FAR1: variants seen among roughly 807,000 people sequenced by gnomAD.
FAR1 encodes fatty acyl-CoA reductase 1.
Under a neutral mutation model 61.1 loss-of-function variants are expected in FAR1, and 22 were observed. The ratio of observed to expected loss-of-function variants is 0.36; its 90% confidence interval spans 0.26 to 0.51. The LOEUF (loss-of-function observed/expected upper bound fraction) is 0.51. FAR1 is among the 20% of genes least tolerant of loss of function. The probability of loss-of-function intolerance (pLI) is 0.95; values close to 1 mark genes in which losing one functional copy is unlikely to be tolerated. For synonymous variants in FAR1, 206 were observed against 209.7 expected, an observed-to-expected ratio of 0.98 and a Z score of 0.15; for missense variants, 359 against 626.9, an observed-to-expected ratio of 0.57 and a Z score of 4.56.
At chr11:13,707,713 AATT>A (rs2134189078) in intron 3 of FAR1, among the ~76,000 whole-genome samples, 184 bp from the exon 4 acceptor site, 1 of 152,320 alleles carries the variant, frequency 6.6e-6, no homozygotes, top group African/African-American at 2.4e-5. Context: ...TTTATAATCA[AATT>A]TTTTTAACAC....
At chr11:13,722,850 CTCTCTCTCTATA>C (rs1193566903) in intron 10 of FAR1, among the ~76,000 whole-genome samples, 1 of 141,784 alleles carries the variant, frequency 7.1e-6, no homozygotes, top group Non-Finnish European at 1.6e-5. Context: ...CTCCCTCTCT[CTCTCTCTCTATA>C]TATATATATA....
chr11:13,727,527 A>G (rs1218635345), intron 10 of FAR1, 29 bp from the exon 11 acceptor site: 2 of 1,564,324 alleles, frequency 1.3e-6, no homozygotes, highest in East Asian at 2.3e-5. Context: ...TAGTCAAGAA[A>G]ATAATCAGTA....
At chr11:13,690,570 C>T (rs1848238335) in intron 1 of FAR1, among the ~76,000 whole-genome samples, 1 of 152,140 alleles carries the variant, frequency 6.6e-6, no homozygotes, top group Admixed American at 6.5e-5. Flanking sequence ...TTCAAAATTT[C>T]ATTTTTTCTA....
rs1342397618 is a variant in FAR1, at chr11:13,729,347, A to T, written c.*573A>T. 1.3e-5 allele frequency: 2 copies of T among 151,860 alleles called. No homozygotes were observed. The highest frequency in any genetic ancestry group is 2.4e-5 in the African/African-American group (1 of 41,386). The allele number at this position is 151,860 out of a possible 1,614,324, so 9.4% of individuals were successfully genotyped here. On this transcript the variant is annotated 3_prime_UTR_variant, in exon 12 of 12. Transcript: ENST00000354817. ...AGATGTTCTCATTTTTCTTTTTCTG[A>T]TTAAACGTCTGATGCATATCATTTT...
At chr11:13,672,724 G>A (rs1343799273) in intron 1 of FAR1, among the ~76,000 whole-genome samples, 1 of 152,046 alleles carries the variant, frequency 6.6e-6, no homozygotes, top group Admixed American at 6.5e-5. Context: ...TTCCTATCTT[G>A]GAAATGACTG....
At chr11:13,673,736 G>A (rs1848035513) in intron 1 of FAR1, among the ~76,000 whole-genome samples, 1 of 152,086 alleles carries the variant, frequency 6.6e-6, no homozygotes, top group South Asian at 2.1e-4. Flanking sequence ...AGAATTTTTT[G>A]AAGATGTATA....
rs1848730140 is a variant in FAR1, at chr11:13,731,827, T to C, written c.*3053T>C. 1 of 152,194 alleles carries C rather than the reference T, an allele frequency of 6.6e-6. No individual in the cohort carries two copies. Among genetic ancestry groups the C allele is most frequent in the Non-Finnish European group, 1.5e-5 (1 of 68,034 alleles). The allele number at this position is 152,194 out of a possible 1,614,324, so 9.4% of individuals were successfully genotyped here. A position where few individuals can be genotyped will look rare whatever the true frequency, so the allele number is the denominator to read the frequency against. On this transcript the variant is annotated 3_prime_UTR_variant, in exon 12 of 12. Coordinates refer to ENST00000354817, the MANE Select transcript of FAR1 (RefSeq NM_032228.6). ...TCCACATTGAATGATATCTTGTTAA[T>C]TTATAGGCACATTTGTGGTAATTTA...
intron 1 of FAR1, among the ~76,000 whole-genome samples, chr11:13,670,586 C>G (rs1049058669): frequency 1.3e-5 from 2 of 152,156 alleles, no homozygotes; most frequent in African/African-American, 4.8e-5. Context: ...GCTGCCGCGC[C>G]GGCCAAAATT....
intron 2 of FAR1, among the ~76,000 whole-genome samples, chr11:13,696,098 A>G (rs1848303885): frequency 6.6e-6 from 1 of 152,136 alleles, no homozygotes; most frequent in Non-Finnish European, 1.5e-5. Context: ...TCTAAGTAAA[A>G]TGTCTACATG....
intron 1 of FAR1, among the ~76,000 whole-genome samples, chr11:13,680,133 A>G (rs372169644): frequency 1.3e-5 from 2 of 152,358 alleles, no homozygotes; most frequent in African/African-American, 4.8e-5. Flanking sequence ...AAAATGCTCA[A>G]TAAGCCTTAA....
At chr11:13,716,434 A>G (rs1256809209) in intron 9 of FAR1, among the ~76,000 whole-genome samples, 1 of 152,180 alleles carries the variant, frequency 6.6e-6, no homozygotes, top group Non-Finnish European at 1.5e-5. Context: ...TCCACTGGGC[A>G]GTTTTGGCTT....
intron 11 of FAR1, among the ~76,000 whole-genome samples, chr11:13,728,043 C>G (rs1385419168): frequency 6.6e-6 from 1 of 151,906 alleles, no homozygotes; most frequent in Non-Finnish European, 1.5e-5. Context: ...TTCTCTACAT[C>G]ATTTTTCTTA....
rs930456220 is a variant in FAR1 at position 13,685,283 on chromosome 11, A to AT, written c.-7-9463dup. Among the ~76,000 whole-genome samples the AT allele has an allele frequency of 6.7e-3, 968 of 145,100 alleles. 8 individuals carry two copies. Among genetic ancestry groups the AT allele is most frequent in the African/African-American group, 0.019 (747 of 39,676 alleles). ...ATTGCCTTTAGATTTTAACTACCTG[A>AT]TTTTTTTTTTTTTGTTTTTTGAAAT... On this transcript the variant is annotated intron_variant, in intron 1 of 11. Transcript: ENST00000354817.
At position 13,721,647 on chromosome 11, in the gene FAR1, G is replaced by A; in HGVS notation, c.1128-83G>A. On this transcript the variant is annotated intron_variant, in intron 9 of 11. Coordinates refer to ENST00000354817, the MANE Select transcript of FAR1 (RefSeq NM_032228.6). This position sits in a 1 kb window ranked among gnomAD's most constrained non-coding sequence, Gnocchi z 4.2. ...TTTAATACTAATGTCTATATTATAGGGGGAAACTTGCACCCTGGGTGGTGA... is the reference window on the plus strand; with the variant it reads ...TTTAATACTAATGTCTATATTATAGAGGGAAACTTGCACCCTGGGTGGTGA... 1 of 1,086,640 alleles carries A rather than the reference G, an allele frequency of 9.2e-7. No individual in the cohort carries two copies. The highest frequency in any genetic ancestry group is 1.3e-6 in the Non-Finnish European group (1 of 745,332). The allele number at this position is 1,086,640 out of a possible 1,614,324, so 67.3% of individuals were successfully genotyped here.
Position 13,732,137 on chromosome 11 carries a change from AT to A in FAR1, c.*3364del, listed in dbSNP as rs1219634161. 2.7e-5 allele frequency: 4 copies of A among 149,774 alleles called. No homozygotes were observed. The South Asian group carries it at 8.4e-4, about 32-fold the overall frequency. 9.3% of individuals were successfully genotyped at this position (149,774 alleles called of 1,614,324 possible). On this transcript the variant is annotated 3_prime_UTR_variant, in exon 12 of 12. Transcript: ENST00000354817. Reference sequence around the variant, plus strand: ...ATTGTCTCTGTGATAAAAAAAAAAAATGAAATATTTTCTTATTGAATTAATA... The same window carrying A: ...ATTGTCTCTGTGATAAAAAAAAAAAAGAAATATTTTCTTATTGAATTAATA...
At chr11:13,688,575 C>T (rs1210844625) in intron 1 of FAR1, among the ~76,000 whole-genome samples, 1 of 152,062 alleles carries the variant, frequency 6.6e-6, no homozygotes, top group Non-Finnish European at 1.5e-5. Flanking sequence ...GTCTTACATG[C>T]ATATGTACAC....
At chr11:13,699,254 G>A (rs1334441030) in intron 2 of FAR1, among the ~76,000 whole-genome samples, 3 of 152,092 alleles carry the variant, frequency 2.0e-5, no homozygotes, top group African/African-American at 4.8e-5. Context: ...TATTTTAATT[G>A]TACATTTACT....
At position 13,732,125 on chromosome 11, in the gene FAR1, T is replaced by A. The variant is rs1447095571; in HGVS notation, c.*3351T>A. The A allele has an allele frequency of 1.3e-5, 2 of 149,726 alleles. No individual in the cohort carries two copies. The highest frequency in any genetic ancestry group is 2.4e-5 in the African/African-American group (1 of 40,846). The allele number at this position is 149,726 out of a possible 1,614,324, so 9.3% of individuals were successfully genotyped here. ...AGAAATGAGTTAATTGTCTCTGTGA[T>A]AAAAAAAAAAAATGAAATATTTTCT... On this transcript the variant is annotated 3_prime_UTR_variant, in exon 12 of 12. Transcript: ENST00000354817.
At chr11:13,722,625 C>T (rs1848623212) in intron 10 of FAR1, among the ~76,000 whole-genome samples, 1 of 151,968 alleles carries the variant, frequency 6.6e-6, no homozygotes, top group African/African-American at 2.4e-5. Context: ...AGGCACATAC[C>T]ACCACACCCA....
Sources: gnomAD v4.1 joint callset for allele counts (sites outside exome capture counted in the v4.1 genomes callset) on GRCh38, gnomAD v4.1.1 for gene constraint, Gnocchi (gnomAD v3.1) non-coding constraint, MANE v1.5 for transcripts, NCBI Gene and HGNC (gene_info 2026-07-23, HGNC 2026-07-21) for gene names.